Variants in MSN observed in about 807,000 individuals in gnomAD.
MSN encodes epididymis luminal protein 70.
In MSN, 2 loss-of-function variants were observed where a neutral mutation model predicts 48.0. The observed-to-expected ratio is 0.04, with a 90% CI of 0.02 to 0.13. The LOEUF (loss-of-function observed/expected upper bound fraction) is 0.13, where lower values mean the gene tolerates loss of function less well. Ranked by LOEUF, MSN falls within the 10% of genes least tolerant of loss-of-function variation. The probability of loss-of-function intolerance (pLI) is 1.00; values close to 1 mark genes in which losing one functional copy is unlikely to be tolerated. For missense variants in MSN, 267 were observed against 470.1 expected (o/e 0.57, Z 3.99); for synonymous variants, 146 against 166.9 (o/e 0.87, Z 0.97).
chrX:65,685,252 C>G (rs896366919), intron 1 of MSN, among the ~76,000 whole-genome samples: 8 of 111,878 alleles, frequency 7.2e-5, no homozygotes, highest in African/African-American at 2.6e-4. Flanking sequence ...GCTTTAGATC[C>G]TGTGTCTAAA....
At chrX:65,637,472 C>T (rs1429493404) in intron 1 of MSN, among the ~76,000 whole-genome samples, 1 of 110,265 alleles carries the variant, frequency 9.1e-6, no homozygotes, top group East Asian at 2.8e-4. Context: ...CACCCTACTC[C>T]TATCCAAAGA....
At chrX:65,635,273 T>C (rs1249041944) in intron 1 of MSN, among the ~76,000 whole-genome samples, 2 of 110,859 alleles carry the variant, frequency 1.8e-5, no homozygotes, top group Non-Finnish European at 3.8e-5. Flanking sequence ...TTGATGTCTA[T>C]GGGTGTGTGT....
intron 1 of MSN, among the ~76,000 whole-genome samples, chrX:65,693,648 A>G (rs60916370): frequency 1.6e-3 from 176 of 112,154 alleles, no homozygotes; most frequent in African/African-American, 5.4e-3. Context: ...GGTGGTAGTT[A>G]TAAGATAAAT....
At chrX:65,704,665 T>A (rs1035663476) in intron 1 of MSN, among the ~76,000 whole-genome samples, 6 of 96,527 alleles carry the variant, frequency 6.2e-5, no homozygotes, top group African/African-American at 3.6e-4. Context: ...CTCCTCCACA[T>A]AGTTTTTTTT....
At position 65,704,634 on chromosome X, in the gene MSN, A is replaced by T. The variant is rs367785402; in HGVS notation, c.13-12184A>T. Among the ~76,000 whole-genome samples the T allele has an allele frequency of 7.9e-4, 85 of 108,205 alleles. No individual in the cohort carries two copies. In the South Asian group the frequency reaches 0.016, roughly 20 times the overall value. 94.0% of individuals were successfully genotyped at this position (108,205 alleles called of 115,157 possible). A position where few individuals can be genotyped will look rare whatever the true frequency, so the allele number is the denominator to read the frequency against. ...AAGCAGTGCCAGCTTGGAGTTTTTC[A>T]CGGAAACAAATTGATCCAGCCTCCT... is the stretch of plus-strand genomic sequence containing the variant. On this transcript the variant is annotated intron_variant, in intron 1 of 12. Coordinates refer to ENST00000360270, the MANE Select transcript of MSN (RefSeq NM_002444.3).
At chrX:65,736,665 T>C in intron 8 of MSN, 130 bp from the exon 9 acceptor site, 1 of 689,208 alleles carries the variant, frequency 1.5e-6, no homozygotes, top group Non-Finnish European at 2.1e-6. Flanking sequence ...CTCGATCTCC[T>C]GACCTCGTGA....
At chrX:65,642,029 G>A (rs1420259518) in intron 1 of MSN, among the ~76,000 whole-genome samples, 7 of 106,536 alleles carry the variant, frequency 6.6e-5, no homozygotes, top group Non-Finnish European at 1.2e-4. Flanking sequence ...AGCTACTCGG[G>A]AGGCTGAGGC....
intron 1 of MSN, among the ~76,000 whole-genome samples, chrX:65,682,451 G>A (rs1319732697): frequency 8.9e-6 from 1 of 111,771 alleles, no homozygotes; most frequent in Admixed American, 9.5e-5. Flanking sequence ...TCCACCCCAG[G>A]ACTTTATGTT....
intron 1 of MSN, among the ~76,000 whole-genome samples, chrX:65,605,636 T>C (rs1280973422): frequency 8.9e-6 from 1 of 112,096 alleles, no homozygotes; most frequent in African/African-American, 3.2e-5. Context: ...CAAAAGAGCC[T>C]ACATGATCTA....
intron 1 of MSN, among the ~76,000 whole-genome samples, chrX:65,641,478 C>T (rs1251285696): frequency 7.9e-5 from 7 of 89,132 alleles, no homozygotes; most frequent in Admixed American, 2.7e-4. Context: ...TTCAGTGAGC[C>T]GAGATCACGC....
At chrX:65,645,585 A>G (rs1245647803) in intron 1 of MSN, among the ~76,000 whole-genome samples, 2 of 111,238 alleles carry the variant, frequency 1.8e-5, no homozygotes, top group African/African-American at 6.5e-5. Flanking sequence ...TGAGTTGGTC[A>G]AGTGGAAAAA....
chrX:65,710,905 A>T (rs1353757141), intron 1 of MSN, among the ~76,000 whole-genome samples: 1 of 84,912 alleles, frequency 1.2e-5, no homozygotes, highest in Admixed American at 1.4e-4. Context: ...TTTTTTTGAG[A>T]TGGAGTTTTG....
At chrX:65,722,404 C>CGT (rs55900091) in intron 2 of MSN, among the ~76,000 whole-genome samples, 3,113 of 94,580 alleles carry the variant, frequency 0.033, 68 homozygotes, top group African/African-American at 0.065. Context: ...CGTGCACGCT[C>CGT]GTGTGTGTGT....
At chrX:65,738,846 A>C in intron 11 of MSN, 124 bp from the exon 12 acceptor site, 1 of 682,265 alleles carries the variant, frequency 1.5e-6, no homozygotes, top group Non-Finnish European at 2.2e-6. Context: ...ACTAAGGATC[A>C]GGCAGATGAA....
rs964757298 is a variant in MSN, at chrX:65,620,868, CT to C, written c.-22+32270del. ...AAATACTAGATTATGAAGATTTTCA[CT>C]TTTTTTTTTTTTTGAGAGTTTTACA... On this transcript the variant is annotated intron_variant, in intron 1 of 3. Coordinates refer to the MSN transcript ENST00000609672. 4.5e-3 allele frequency among the ~76,000 whole-genome samples: 438 copies of C among 97,019 alleles called. 1 individual carries two copies. Among genetic ancestry groups the C allele is most frequent in the African/African-American group, 7.6e-3 (203 of 26,794 alleles). 84.2% of individuals were successfully genotyped at this position (97,019 alleles called of 115,157 possible).
chrX:65,725,086 A>T (rs960962724), intron 2 of MSN, among the ~76,000 whole-genome samples: 1 of 112,506 alleles, frequency 8.9e-6, no homozygotes, highest in African/African-American at 3.2e-5. Context: ...GTCCAAGAGC[A>T]TGGCACCAGC....
intron 7 of MSN, among the ~76,000 whole-genome samples, 181 bp from the exon 8 acceptor site, chrX:65,735,086 C>G (rs767217856): frequency 3.6e-5 from 4 of 112,103 alleles, no homozygotes; most frequent in Non-Finnish European, 7.5e-5. Flanking sequence ...AGTCTTGGGT[C>G]TGTCTACTGT....
chrX:65,659,531 C>T (rs2070806888), intron 1 of MSN, among the ~76,000 whole-genome samples: 1 of 111,749 alleles, frequency 8.9e-6, no homozygotes, highest in Non-Finnish European at 1.9e-5. Context: ...AGCTCCAGAA[C>T]ATTCCCAGCC....
At chrX:65,695,795 G>T (rs1405022151) in intron 1 of MSN, among the ~76,000 whole-genome samples, 1 of 111,806 alleles carries the variant, frequency 8.9e-6, no homozygotes, top group African/African-American at 3.3e-5. Context: ...GTGGTGGGAA[G>T]ATCTTTAATT....
Sources: gnomAD v4.1 joint callset for allele counts (sites outside exome capture counted in the v4.1 genomes callset) on GRCh38, gnomAD v4.1.1 for gene constraint, MANE v1.5 for transcripts, NCBI Gene and HGNC (gene_info 2026-07-23, HGNC 2026-07-21) for gene names.